Variants in PACSIN3 observed in about 807,000 individuals in gnomAD.
The protein encoded by PACSIN3 is protein kinase C and casein kinase substrate in neurons protein 3.
Under a neutral mutation model 56.1 loss-of-function variants are expected in PACSIN3, and 34 were observed. That is an observed-to-expected ratio of 0.61 (90% confidence interval 0.46 to 0.81). The LOEUF (loss-of-function observed/expected upper bound fraction) is 0.81. Among genes scored for constraint, PACSIN3 ranks in the 30% least tolerant of loss-of-function variants. PACSIN3 has a pLI of 0.00. For missense variants in PACSIN3, 535 were observed against 592.4 expected (o/e 0.90, Z 1.01); for synonymous variants, 218 against 229.8 (o/e 0.95, Z 0.46).
In PACSIN3 at chr11:47,178,218, A is replaced by G; in HGVS notation, c.1159+148T>C. On this transcript the variant is annotated intron_variant, in intron 10 of 10. Coordinates refer to ENST00000298838, the MANE Select transcript of PACSIN3 (RefSeq NM_016223.5). This position sits in a 1 kb window ranked among gnomAD's most constrained non-coding sequence, Gnocchi z 4.2. The stretch of plus-strand genomic sequence containing the variant: ...CTGCCCCACCCCAGACCCTGAATGC[A>G]GCCACCAGGCACCAGCTATCTGGAC... 1 of 1,242,762 alleles carries G rather than the reference A, an allele frequency of 8.0e-7. No homozygotes were observed. The highest frequency in any genetic ancestry group is 1.1e-6 in the Non-Finnish European group (1 of 874,598). The allele number at this position is 1,242,762 out of a possible 1,614,324, so 77.0% of individuals were successfully genotyped here.
At chr11:47,181,695 A>G (rs1158330927) in intron 4 of PACSIN3, among the ~76,000 whole-genome samples, 1 of 152,184 alleles carries the variant, frequency 6.6e-6, no homozygotes, top group Admixed American at 6.5e-5. Context: ...GTGGTGGTCC[A>G]TGCCTGTGAT....
chr11:47,182,745 G>T lies in PACSIN3; in HGVS notation c.-18C>A. ...GGAGCCATGGTGTCCCCGCAGCACGGAATGGTGGCGGATTTGGGGCTGTGG... is the reference window on the plus strand; with the variant it reads ...GGAGCCATGGTGTCCCCGCAGCACGTAATGGTGGCGGATTTGGGGCTGTGG... On this transcript the variant is annotated 5_prime_UTR_variant, in exon 3 of 11. Coordinates refer to ENST00000298838, the MANE Select transcript of PACSIN3 (RefSeq NM_016223.5). 6.2e-7 allele frequency: 1 copy of T among 1,607,094 alleles called. No homozygotes were observed. The highest frequency in any genetic ancestry group is 8.5e-7 in the Non-Finnish European group (1 of 1,177,044).
chr11:47,183,738 C>A (rs1465026706), intron 1 of PACSIN3, among the ~76,000 whole-genome samples: 1 of 152,212 alleles, frequency 6.6e-6, no homozygotes, highest in African/African-American at 2.4e-5. Flanking sequence ...GAATGTCTCC[C>A]AGGCTGGGTG....
rs762990617 is a variant in PACSIN3, at chr11:47,179,078, CACTT to C, written c.901-52_901-49del. The C allele has an allele frequency of 2.5e-6, 4 of 1,614,028 alleles. No individual in the cohort carries two copies. The highest frequency in any genetic ancestry group is 1.7e-6 in the Non-Finnish European group (2 of 1,179,982). ...CAGGTGGGGCCATCTGAACCACCTTCACTTACTTCATCCCTAGCCCTGGCCGAGC... is the reference window on the plus strand; with the variant it reads ...CAGGTGGGGCCATCTGAACCACCTTCACTTCATCCCTAGCCCTGGCCGAGC... On this transcript the variant is annotated intron_variant, in intron 8 of 10. Coordinates refer to ENST00000298838, the MANE Select transcript of PACSIN3 (RefSeq NM_016223.5). The surrounding 1 kb of genome is among the most constrained non-coding windows in gnomAD (Gnocchi z 4.4).
rs552088673 is a variant in PACSIN3, at chr11:47,186,169, A to G, written c.-104+180T>C. On this transcript the variant is annotated intron_variant, in intron 1 of 10. Coordinates refer to ENST00000298838, the MANE Select transcript of PACSIN3 (RefSeq NM_016223.5). The surrounding 1 kb of genome is among the most constrained non-coding windows in gnomAD (Gnocchi z 4.5). ...AATTGCGAAGCCCGCGGCACCGCAG[A>G]TGGGACGGCCCCTCGGCGCGGCTAC... Among the ~76,000 whole-genome samples, 60 of 151,834 alleles carry G rather than the reference A, an allele frequency of 4.0e-4. No individual in the cohort carries two copies. The highest frequency in any genetic ancestry group is 1.4e-3 in the African/African-American group (57 of 41,450).
In PACSIN3 at chr11:47,179,008, C is replaced by T; in HGVS notation, c.923G>A (p.Arg308Lys). 3.1e-6 allele frequency: 5 copies of T among 1,614,114 alleles called. No homozygotes were observed. Among genetic ancestry groups the T allele is most frequent in the Non-Finnish European group, 2.5e-6 (3 of 1,180,016 alleles). Residue 308 changes from arginine to lysine, a missense_variant, in exon 9 of 11, where the codon AGG (arginine) becomes AAG (lysine). Arg to Lys is a conservative substitution (Grantham distance 26, BLOSUM62 2). Coordinates refer to ENST00000298838, the MANE Select transcript of PACSIN3 (RefSeq NM_016223.5). This position sits in a 1 kb window ranked among gnomAD's most constrained non-coding sequence, Gnocchi z 4.4. ...ACCCTTCTCTTTCCGGCTGATTGTCCTCTGTGTGTCCAAGGACCACTCCTG... is the reference window on the plus strand; with the variant it reads ...ACCCTTCTCTTTCCGGCTGATTGTCTTCTGTGTGTCCAAGGACCACTCCTG... ...QFEEWSLDTQ[R>K]TISRKEKGGR...
intron 4 of PACSIN3, among the ~76,000 whole-genome samples, chr11:47,181,294 C>G (rs1953020066): frequency 6.7e-6 from 1 of 149,170 alleles, no homozygotes; most frequent in African/African-American, 2.6e-5. Flanking sequence ...AGCTGAGATT[C>G]AAACCCATCT....
At chr11:47,185,270 G>A (rs1273006023) in intron 1 of PACSIN3, 1 of 152,390 alleles carries the variant, frequency 6.6e-6, no homozygotes, top group African/African-American at 2.4e-5. Context: ...CCCTACCTGA[G>A]GCCTGAAGGT....
At position 47,183,659 on chromosome 11, in the gene PACSIN3, C is replaced by T. The variant is rs376261451; in HGVS notation, c.-103-590G>A. Among the ~76,000 whole-genome samples, 3 of 152,144 alleles carry T rather than the reference C, an allele frequency of 2.0e-5. No individual in the cohort carries two copies. In the East Asian group the frequency reaches 5.8e-4, roughly 30 times the overall value. On this transcript the variant is annotated intron_variant, in intron 1 of 10. Coordinates refer to ENST00000298838, the MANE Select transcript of PACSIN3 (RefSeq NM_016223.5). Reference sequence around the variant, plus strand: ...AAGGCTCCGTGGGGAACACACAACCCGGGCCTGCCCTCCAAAGGCCTGGCG... The same window carrying T: ...AAGGCTCCGTGGGGAACACACAACCTGGGCCTGCCCTCCAAAGGCCTGGCG...
chr11:47,180,384 T>C, intron 5 of PACSIN3, 43 bp from the exon 6 acceptor site: 2 of 1,599,856 alleles, frequency 1.3e-6, no homozygotes, highest in Admixed American at 1.7e-5. Context: ...ATGCCACACC[T>C]TGGCCCCCTC....
chr11:47,177,906 C>T lies in PACSIN3; in HGVS notation c.*25G>A. On this transcript the variant is annotated 3_prime_UTR_variant, in exon 11 of 11. Transcript: ENST00000298838. ...TGGGCTCTGAACCAGGGTGGGTAAACGTTGCAGAAGGGCTGTCAGGACACT... is the reference window on the plus strand; with the variant it reads ...TGGGCTCTGAACCAGGGTGGGTAAATGTTGCAGAAGGGCTGTCAGGACACT... The T allele has an allele frequency of 1.3e-6, 2 of 1,571,464 alleles. No individual in the cohort carries two copies. Among genetic ancestry groups the T allele is most frequent in the South Asian group, 1.1e-5 (1 of 90,184 alleles).
At chr11:47,182,862 C>T in intron 2 of PACSIN3, 98 bp from the exon 3 acceptor site, 1 of 853,304 alleles carries the variant, frequency 1.2e-6, no homozygotes, top group Non-Finnish European at 1.8e-6. Context: ...CACTGCCATC[C>T]CCACCACCCA....
rs1952932635 is a variant in PACSIN3, at chr11:47,178,370, T to G, written c.1155A>C (p.Arg385=). 6.2e-7 allele frequency: 1 copy of G among 1,613,930 alleles called. No homozygotes were observed. The highest frequency in any genetic ancestry group is 8.5e-7 in the Non-Finnish European group (1 of 1,179,946). ...AGQEADELSF[R]AGEELLKMSE... is the part of the protein sequence containing the mutation. ...AGGAAAGGGGTCCCAGGGTACCTGC[T>G]CGGAAGCTCAGCTCATCAGCTTCCT... Residue 385 remains arginine (R), a synonymous_variant, in exon 10 of 11, where the codon CGA becomes CGC. Coordinates refer to ENST00000298838, the MANE Select transcript of PACSIN3 (RefSeq NM_016223.5). The surrounding 1 kb of genome is among the most constrained non-coding windows in gnomAD (Gnocchi z 4.2).
At chr11:47,185,303 A>G (rs1008979543) in intron 1 of PACSIN3, 1 of 152,328 alleles carries the variant, frequency 6.6e-6, no homozygotes, top group African/African-American at 2.4e-5. Context: ...ACCAGCCCCA[A>G]CCTCTTCCAG....
At position 47,178,955 on chromosome 11, in the gene PACSIN3, T is replaced by C; in HGVS notation, c.976A>G (p.Thr326Ala). ...CCATCTCTTGTAGGCACAATGCTGGTCAGGGTAACCTCATCAGGGCTCCGG... is the reference window on the plus strand; with the variant it reads ...CCATCTCTTGTAGGCACAATGCTGGCCAGGGTAACCTCATCAGGGCTCCGG... Reference protein sequence around the residue: ...GGRSPDEVTLTSIVPTRDGTA... With the variant: ...GGRSPDEVTLASIVPTRDGTA... The change falls in exon 9 of 11, where the codon ACC becomes GCC. Residue 326 changes from threonine (T) to alanine (A), a missense_variant. Thr to Ala is a moderately conservative substitution (Grantham distance 58). Transcript: ENST00000298838. The surrounding 1 kb of genome is among the most constrained non-coding windows in gnomAD (Gnocchi z 4.2). The C allele has an allele frequency of 6.2e-7, 1 of 1,614,000 alleles. No homozygotes were observed. The highest frequency in any genetic ancestry group is 1.3e-5 in the African/African-American group (1 of 75,022).
intron 4 of PACSIN3, among the ~76,000 whole-genome samples, chr11:47,181,130 C>T (rs1351119069): frequency 6.6e-6 from 1 of 151,996 alleles, no homozygotes; most frequent in Admixed American, 6.6e-5. Context: ...GGCATGGTGG[C>T]GGGCGCCTGT....
Position 47,179,117 on chromosome 11 carries a change from G to A in PACSIN3, c.900+42C>T. 6.2e-7 allele frequency: 1 copy of A among 1,613,188 alleles called. No individual in the cohort carries two copies. The highest frequency in any genetic ancestry group is 8.5e-7 in the Non-Finnish European group (1 of 1,179,704). On this transcript the variant is annotated intron_variant, in intron 8 of 10. Coordinates refer to ENST00000298838, the MANE Select transcript of PACSIN3 (RefSeq NM_016223.5). The surrounding 1 kb of genome is among the most constrained non-coding windows in gnomAD (Gnocchi z 4.4). ...CTAGCCCTGGCCGAGCTGAGTGGGAGCCCATCCCACCTCCCATCCCCACCC... is the reference window on the plus strand; with the variant it reads ...CTAGCCCTGGCCGAGCTGAGTGGGAACCCATCCCACCTCCCATCCCCACCC...
At position 47,179,363 on chromosome 11, in the gene PACSIN3, G is replaced by C; in HGVS notation, c.779+48C>G. On this transcript the variant is annotated intron_variant, in intron 7 of 10. Transcript: ENST00000298838. This position sits in a 1 kb window ranked among gnomAD's most constrained non-coding sequence, Gnocchi z 4.4. The stretch of plus-strand genomic sequence containing the variant: ...CAGCCAGGGCCTCGGGGAGATGGAG[G>C]AGACCCAGTACTACCCCAGATCTCC... 1.2e-6 allele frequency: 2 copies of C among 1,613,086 alleles called. No homozygotes were observed. Among genetic ancestry groups the C allele is most frequent in the Middle Eastern group, 1.7e-4 (1 of 6,056 alleles).
intron 4 of PACSIN3, 51 bp downstream of exon 4, chr11:47,182,352 C>A (rs376134100): frequency 1.3e-6 from 2 of 1,520,218 alleles, no homozygotes; most frequent in African/African-American, 1.4e-5. Context: ...GAAGCTGGCC[C>A]GACAGTCCTG....
Sources: gnomAD v4.1 joint callset for allele counts (sites outside exome capture counted in the v4.1 genomes callset) on GRCh38, gnomAD v4.1.1 for gene constraint, Gnocchi (gnomAD v3.1) non-coding constraint, MANE v1.5 for transcripts, NCBI Gene and HGNC (gene_info 2026-07-23, HGNC 2026-07-21) for gene names.